DTNA: variants seen among roughly 807,000 people sequenced by gnomAD.
DTNA encodes the protein dystrophin-related protein 3.
In DTNA, 43 loss-of-function variants were observed where a neutral mutation model predicts 100.7. That is an observed-to-expected ratio of 0.43 (90% CI 0.33 to 0.55). DTNA has a LOEUF of 0.55. Ranked by LOEUF, DTNA falls within the 20% of genes least tolerant of loss-of-function variation. DTNA has a pLI of 0.04. For synonymous variants in DTNA, 349 were observed against 347.9 expected, an observed-to-expected ratio of 1.00 and a Z score of -0.04; for missense variants, 798 against 953.9, an observed-to-expected ratio of 0.84 and a Z score of 2.15.
At chr18:34,769,430 T>G (rs913016360) in intron 3 of DTNA, among the ~76,000 whole-genome samples, 4 of 152,118 alleles carry the variant, frequency 2.6e-5, no homozygotes, top group Admixed American at 1.3e-4. Context: ...CCACAATAAA[T>G]TATGATACCT....
intron 1 of DTNA, among the ~76,000 whole-genome samples, chr18:34,552,440 C>T (rs1486436345): frequency 5.9e-5 from 9 of 151,342 alleles, no homozygotes. Context: ...AGGTTAGTTA[C>T]ATATGTATAC....
chr18:34,751,179 C>G (rs1002290410), intron 1 of DTNA, among the ~76,000 whole-genome samples: 1 of 152,206 alleles, frequency 6.6e-6, no homozygotes, highest in East Asian at 1.9e-4. Context: ...CTGAGGTCCT[C>G]TCATCTGCCA....
intron 1 of DTNA, among the ~76,000 whole-genome samples, chr18:34,525,639 G>A (rs940579667): frequency 5.9e-5 from 9 of 152,194 alleles, no homozygotes; most frequent in African/African-American, 2.2e-4. Flanking sequence ...TTTTATAGTG[G>A]GAGGTTCCAC....
chr18:34,887,989 T>G lies in DTNA; in HGVS notation c.*255T>G. 10 of 985,802 alleles carry G rather than the reference T, an allele frequency of 1.0e-5. No homozygotes were observed. The highest frequency in any genetic ancestry group is 1.2e-5 in the Non-Finnish European group (10 of 829,928). 61.1% of individuals were successfully genotyped at this position (985,802 alleles called of 1,614,324 possible). ...CTCAGATTTGTAGTGCATAGGTGTG[T>G]GTTTCAAGAAGGAAAAAAAAAGACT... On this transcript the variant is annotated 3_prime_UTR_variant, in exon 23 of 23. Coordinates refer to ENST00000444659, the MANE Select transcript of DTNA (RefSeq NM_001386795.1).
intron 1 of DTNA, among the ~76,000 whole-genome samples, chr18:34,532,643 G>A (rs2043255685): frequency 6.6e-6 from 1 of 151,926 alleles, no homozygotes; most frequent in African/African-American, 2.4e-5. Flanking sequence ...TTTTATGCAT[G>A]TCAACAAAAA....
At chr18:34,796,410 C>G (rs2094971072) in intron 4 of DTNA, among the ~76,000 whole-genome samples, 2 of 152,192 alleles carry the variant, frequency 1.3e-5, no homozygotes, top group South Asian at 4.1e-4. Context: ...CCAAATGAGA[C>G]CCAGCGTGGA....
At chr18:34,506,155 C>A (rs2040469598) in intron 1 of DTNA, among the ~76,000 whole-genome samples, 1 of 152,186 alleles carries the variant, frequency 6.6e-6, no homozygotes, top group African/African-American at 2.4e-5. Context: ...GTGGTCTCTC[C>A]ACTGACACAC....
At chr18:34,584,500 T>C (rs1189815709) in intron 1 of DTNA, among the ~76,000 whole-genome samples, 1 of 152,004 alleles carries the variant, frequency 6.6e-6, no homozygotes, top group East Asian at 1.9e-4. Context: ...TTAGGCGAAA[T>C]AATATAATCA....
intron 1 of DTNA, among the ~76,000 whole-genome samples, chr18:34,623,330 C>T (rs1246406003): frequency 6.6e-6 from 1 of 152,158 alleles, no homozygotes; most frequent in Non-Finnish European, 1.5e-5. Context: ...ACCTCAGAAG[C>T]AAATCAAGGG....
chr18:34,654,045 G>A (rs1029337696), intron 1 of DTNA, among the ~76,000 whole-genome samples: 2 of 152,154 alleles, frequency 1.3e-5, no homozygotes, highest in African/African-American at 4.8e-5. Flanking sequence ...CCTATGAGAG[G>A]AAGGCTTGGG....
intron 1 of DTNA, 104 bp from the exon 2 acceptor site, chr18:34,755,872 T>A: frequency 6.1e-6 from 6 of 979,674 alleles, no homozygotes; most frequent in African/African-American, 1.6e-5. Context: ...AAATAGGTTT[T>A]CTATGTGTTT....
intron 1 of DTNA, among the ~76,000 whole-genome samples, chr18:34,495,596 G>A (rs1438265420): frequency 6.6e-6 from 1 of 152,124 alleles, no homozygotes; most frequent in East Asian, 1.9e-4. Flanking sequence ...GCGAGAGTTG[G>A]GCGGTTTTAA....
At chr18:34,640,241 T>G (rs915059774) in intron 1 of DTNA, among the ~76,000 whole-genome samples, 2 of 152,186 alleles carry the variant, frequency 1.3e-5, no homozygotes, top group African/African-American at 4.8e-5. Context: ...CAGCAACAGC[T>G]ATGGGATGGT....
At chr18:34,708,289 A>G (rs925029300), upstream of DTNA, 5 of 152,306 alleles carry the variant, frequency 3.3e-5, no homozygotes, top group South Asian at 4.1e-4. Context: ...TATTGACACA[A>G]TATTGGTTAA....
chr18:34,578,429 C>T (rs2023024), intron 1 of DTNA, among the ~76,000 whole-genome samples: 15,529 of 151,440 alleles, frequency 0.1, 1,137 homozygotes, highest in African/African-American at 0.2. Context: ...CTGTGGGCTG[C>T]CTGCTTACTG....
chr18:34,708,176 A>G (rs1193976631), upstream of DTNA: 1 of 152,150 alleles, frequency 6.6e-6, no homozygotes. Flanking sequence ...GGTGTCAGGT[A>G]ATTTCCTGAA....
intron 22 of DTNA, among the ~76,000 whole-genome samples, chr18:34,886,235 A>C (rs1199882622): frequency 6.6e-6 from 1 of 152,246 alleles, no homozygotes; most frequent in Non-Finnish European, 1.5e-5. Flanking sequence ...AAAATTAAGC[A>C]AGTGAAAATC....
At chr18:34,564,921 A>G (rs1253686180) in intron 1 of DTNA, among the ~76,000 whole-genome samples, 2 of 152,198 alleles carry the variant, frequency 1.3e-5, no homozygotes, top group African/African-American at 4.8e-5. Flanking sequence ...CAAAGCTTTT[A>G]TGTCTTAAAA....
At chr18:34,642,809 G>A (rs1265519495) in intron 1 of DTNA, among the ~76,000 whole-genome samples, 1 of 151,976 alleles carries the variant, frequency 6.6e-6, no homozygotes, top group Non-Finnish European at 1.5e-5. Context: ...TGTCCACCTC[G>A]ACCTCCCAAA....
Sources: allele counts gnomAD v4.1 joint callset (sites outside exome capture counted in the v4.1 genomes callset), GRCh38; gene constraint gnomAD v4.1.1; transcripts MANE v1.5; gene names NCBI Gene and HGNC (gene_info 2026-07-23, HGNC 2026-07-21).